Variants in PHYKPL observed in about 807,000 individuals in gnomAD.
The protein encoded by PHYKPL is 5-phosphonooxy-L-lysine phospho-lyase.
Under a neutral mutation model 51.3 loss-of-function variants are expected in PHYKPL, and 42 were observed. The observed-to-expected ratio is 0.82, with a 90% CI of 0.64 to 1.06. PHYKPL has a LOEUF of 1.06. Among genes scored for constraint, PHYKPL ranks in the 50% least tolerant of loss-of-function variants. The probability of loss-of-function intolerance (pLI) is 0.00; values close to 1 mark genes in which losing one functional copy is unlikely to be tolerated. For missense variants in PHYKPL, 655 were observed against 586.6 expected, an observed-to-expected ratio of 1.12 and a Z score of -1.20; for synonymous variants, 264 against 236.0, an observed-to-expected ratio of 1.12 and a Z score of -1.09.
rs779634372 is a variant in PHYKPL at position 178,224,768 on chromosome 5, G to A, written c.414-39C>T. On this transcript the variant is annotated intron_variant, in intron 4 of 12. Transcript: ENST00000308158. ...GGGAGGGTAGGCTCGGGTCCGGGCA[G>A]CACCTACTCCCTGGCCCAGTCTGAC... 2.6e-6 allele frequency: 4 copies of A among 1,527,490 alleles called. No homozygotes were observed. In the East Asian group the frequency reaches 6.8e-5, roughly 26 times the overall value. 94.6% of individuals were successfully genotyped at this position (1,527,490 alleles called of 1,614,324 possible).
At chr5:178,210,347 G>T (rs1319810239) in intron 12 of PHYKPL, 2 of 1,602,150 alleles carry the variant, frequency 1.2e-6, no homozygotes, top group African/African-American at 2.7e-5. Context: ...AGGAGCCACT[G>T]GCAGCAGGGG....
chr5:178,210,857 T>G, intron 12 of PHYKPL: 2 of 556,422 alleles, frequency 3.6e-6, no homozygotes, highest in South Asian at 4.3e-5. Context: ...TGATTTTTAT[T>G]ACCAGGTCCC....
Position 178,222,903 on chromosome 5 carries a change from C to T in PHYKPL, c.650G>A (p.Ser217Asn). 1 of 1,614,200 alleles carries T rather than the reference C, an allele frequency of 6.2e-7. No individual in the cohort carries two copies. The highest frequency in any genetic ancestry group is 8.5e-7 in the Non-Finnish European group (1 of 1,180,022). The change falls in exon 7 of 13, where the codon AGT (serine) becomes AAT (asparagine). Residue 217 changes from serine (S) to asparagine (N), a missense_variant. Ser to Asn is a conservative substitution (Grantham distance 46, BLOSUM62 1). Transcript: ENST00000308158. Reference sequence around the variant, plus strand: ...AGGGGGAATGATCTGCCCTCCCACACTGGGCAGAGACTCAGCGAAGAAGGC... The same window carrying T: ...AGGGGGAATGATCTGCCCTCCCACATTGGGCAGAGACTCAGCGAAGAAGGC... ...IAAFFAESLPSVGGQIIPPAG... is the reference protein window; with the variant it reads ...IAAFFAESLPNVGGQIIPPAG...
intron 12 of PHYKPL, chr5:178,209,534 T>A: frequency 5.2e-6 from 6 of 1,157,548 alleles, no homozygotes; most frequent in Non-Finnish European, 7.7e-6. Flanking sequence ...TCTGGTGCTG[T>A]GCAGCAGGGG....
chr5:178,231,507 A>G lies in PHYKPL; in HGVS notation c.76T>C (p.Phe26Leu). The change falls in exon 2 of 13, where the codon TTT becomes CTT. Residue 26 changes from phenylalanine to leucine, a missense_variant. Phe to Leu is a conservative substitution (Grantham distance 22, BLOSUM62 0). Coordinates refer to ENST00000308158, the MANE Select transcript of PHYKPL (RefSeq NM_153373.4). The part of the protein sequence containing the change: ...QRLISSSCRL[F>L]FPEDPVKIVR... ...ATCTTAACAGGATCCTCGGGAAAAA[A>G]GAGTCTGCAGGAAGAGCTGTGGGGA... The G allele has an allele frequency of 1.2e-6, 2 of 1,614,172 alleles. No individual in the cohort carries two copies. The highest frequency in any genetic ancestry group is 1.7e-6 in the Non-Finnish European group (2 of 1,179,998).
intron 4 of PHYKPL, 162 bp from the exon 5 acceptor site, chr5:178,224,891 A>G: frequency 1.7e-6 from 1 of 599,408 alleles, no homozygotes. Context: ...CTTTGGAGTC[A>G]GCAACAATTC....
At chr5:178,210,948 G>T in intron 12 of PHYKPL, 1 of 330,270 alleles carries the variant, frequency 3.0e-6, no homozygotes, top group African/African-American at 2.1e-5. Flanking sequence ...AGAGTAAATT[G>T]TATCTTAGGA....
chr5:178,208,007 C>G (rs151184870), downstream of PHYKPL, among the ~76,000 whole-genome samples: 2 of 152,278 alleles, frequency 1.3e-5, no homozygotes, highest in East Asian at 3.9e-4. Flanking sequence ...TAACCCTAAA[C>G]CCAGGCAAAA....
chr5:178,231,770 G>A (rs756805043), intron 1 of PHYKPL: 42 of 1,470,366 alleles, frequency 2.9e-5, no homozygotes, highest in Admixed American at 4.1e-5. Flanking sequence ...AGCCTCTGTG[G>A]CCTCCTTGCT....
At position 178,232,796 on chromosome 5, in the gene PHYKPL, C is replaced by T; in HGVS notation, c.-246G>A. On this transcript the variant is annotated 5_prime_UTR_variant, in exon 1 of 13. Coordinates refer to ENST00000308158, the MANE Select transcript of PHYKPL (RefSeq NM_153373.4). ...TCCCGCGCAGGAACTCGAGCGCTGC[C>T]CCGTCTCTGGTTCCGGGACGCGCCC... 2 of 336,888 alleles carry T rather than the reference C, an allele frequency of 5.9e-6. No individual in the cohort carries two copies. The highest frequency in any genetic ancestry group is 5.0e-6 in the Non-Finnish European group (1 of 200,544). 20.9% of individuals were successfully genotyped at this position (336,888 alleles called of 1,614,324 possible). A position where few individuals can be genotyped will look rare whatever the true frequency, so the allele number is the denominator to read the frequency against.
In PHYKPL at chr5:178,232,723, T is replaced by A; in HGVS notation, c.-173A>T. 1 of 692,452 alleles carries A rather than the reference T, an allele frequency of 1.4e-6. No individual in the cohort carries two copies. Among genetic ancestry groups the A allele is most frequent in the Non-Finnish European group, 2.0e-6 (1 of 502,912 alleles). The allele number at this position is 692,452 out of a possible 1,614,324, so 42.9% of individuals were successfully genotyped here. On this transcript the variant is annotated 5_prime_UTR_variant, in exon 1 of 13. Transcript: ENST00000308158. ...CGTTGCGGTGGTTCATTTCTTCGCT[T>A]GCCCACTGGGCCTGGCAGCCTTCCG...
chr5:178,224,723 A>G lies in PHYKPL; in HGVS notation c.420T>C (p.Tyr140=). 6.2e-7 allele frequency: 1 copy of G among 1,613,714 alleles called. No individual in the cohort carries two copies. ...HQDVVVLDHA[Y]HGHLSSLIDI... is the part of the protein sequence containing the mutation. ...CAATCAGGGAGCTCAGGTGGCCGTG[A>G]TACGCACTGGGGAGGAGAAGGGAGG... The change falls in exon 5 of 13, where the codon TAT becomes TAC. Residue 140 remains tyrosine, a synonymous_variant. Coordinates refer to ENST00000308158, the MANE Select transcript of PHYKPL (RefSeq NM_153373.4).
intron 10 of PHYKPL, 141 bp downstream of exon 10, chr5:178,214,655 C>A: frequency 4.2e-6 from 3 of 720,760 alleles, no homozygotes; most frequent in East Asian, 2.7e-5. Context: ...TGCCCCCACC[C>A]GCCAGCCCCA....
chr5:178,222,937 G>A lies in PHYKPL; in HGVS notation c.619-3C>T, dbSNP rs1292573276. 6.2e-7 allele frequency: 1 copy of A among 1,614,014 alleles called. No individual in the cohort carries two copies. The highest frequency in any genetic ancestry group is 1.7e-5 in the Admixed American group (1 of 60,012). ...GACTCAGCGAAGAAGGCTGCAATCT[G>A]TGAAGAGATGGACATTGGGAACACG... On this transcript the variant is annotated splice_region_variant and splice_polypyrimidine_tract_variant and intron_variant, in intron 6 of 12. Transcript: ENST00000308158.
chr5:178,228,171 A>G (rs952239334), intron 3 of PHYKPL: 11 of 246,944 alleles, frequency 4.5e-5, no homozygotes, highest in Admixed American at 1.0e-4. Context: ...ATGCTATGTA[A>G]TACCAAGAGA....
rs1037066908 is a variant in PHYKPL at position 178,208,707 on chromosome 5, C to G, written c.*240G>C. The G allele has an allele frequency of 2.6e-5, 4 of 152,494 alleles. No homozygotes were observed. Among genetic ancestry groups the G allele is most frequent in the African/African-American group, 9.6e-5 (4 of 41,544 alleles). 9.4% of individuals were successfully genotyped at this position (152,494 alleles called of 1,614,324 possible). ...GTATCCCACCCTACCCCATTCCACC[C>G]CCAGTGGACAGAAAGGAAATTGACT... On this transcript the variant is annotated 3_prime_UTR_variant, in exon 13 of 13. Transcript: ENST00000308158.
rs766811570 is a variant in PHYKPL at position 178,213,080 on chromosome 5, A to T, written c.1196T>A (p.Leu399Gln). 6 of 1,614,192 alleles carry T rather than the reference A, an allele frequency of 3.7e-6. No individual in the cohort carries two copies. Among genetic ancestry groups the T allele is most frequent in the Non-Finnish European group, 5.1e-6 (6 of 1,180,012 alleles). ...GTTCCTCCCAGGGCCATCAGTGCTC[A>T]GCAAAACGTAGTTCTCCTTCAGCCT... ...VSRLKENYVL[L>Q]STDGPGRNIL... The change falls in exon 11 of 13, where the codon CTG (leucine) becomes CAG (glutamine). Residue 399 changes from leucine (L) to glutamine (Q), a missense_variant. Coordinates refer to ENST00000308158, the MANE Select transcript of PHYKPL (RefSeq NM_153373.4).
chr5:178,231,548 C>G, intron 1 of PHYKPL, 25 bp from the exon 2 acceptor site: 1 of 1,614,032 alleles, frequency 6.2e-7, no homozygotes, highest in Non-Finnish European at 8.5e-7. Context: ...AAGGAGTGGA[C>G]AGCCATGTCT....
chr5:178,231,811 G>A (rs1036715535), intron 1 of PHYKPL: 15 of 1,387,934 alleles, frequency 1.1e-5, no homozygotes, highest in African/African-American at 1.4e-5. Context: ...TCAGTCTCCC[G>A]GATCCTGAGA....
Sources: gnomAD v4.1 joint callset for allele counts (sites outside exome capture counted in the v4.1 genomes callset) on GRCh38, gnomAD v4.1.1 for gene constraint, MANE v1.5 for transcripts, NCBI Gene and HGNC (gene_info 2026-07-23, HGNC 2026-07-21) for gene names.